The following LRRC37A2 variants were observed in gnomAD, a reference collection of about 807,000 sequenced individuals.
LRRC37A2 encodes leucine rich repeat containing 37 member A2, also known as leucine-rich repeat-containing protein 37A2.
Under a neutral mutation model 68.8 loss-of-function variants are expected in LRRC37A2, and 9 were observed. The ratio of observed to expected loss-of-function variants is 0.13; its 90% CI spans 0.08 to 0.23. LRRC37A2 has a LOEUF of 0.23. Among genes scored for constraint, LRRC37A2 ranks in the 10% least tolerant of loss-of-function variants. The probability of loss-of-function intolerance (pLI) is 1.00; values close to 1 mark genes in which losing one functional copy is unlikely to be tolerated. For missense variants in LRRC37A2, 168 were observed against 950.4 expected (o/e 0.18, Z 10.82); for synonymous variants, 63 against 367.6 (o/e 0.17, Z 9.48).
At chr17:46,911,603 C>G in the LRRC37A2 span, 1 of 152,276 alleles carries the variant, frequency 6.6e-6, no homozygotes, top group South Asian at 2.1e-4. Flanking sequence ...ATTAAGATAG[C>G]TGGGCACTGT....
the LRRC37A2 span, chr17:47,027,432 A>T: frequency 1.8e-6 from 1 of 556,538 alleles, no homozygotes; most frequent in East Asian, 3.2e-5. Flanking sequence ...TTCAAATACA[A>T]GTCCAAACGT....
the LRRC37A2 span, among the ~76,000 whole-genome samples, chr17:46,839,147 G>A: frequency 1.4e-4 from 22 of 152,178 alleles, no homozygotes; most frequent in Admixed American, 3.9e-4. Context: ...CAAAGTACTG[G>A]GATTACAGGC....
the LRRC37A2 span, among the ~76,000 whole-genome samples, chr17:46,736,169 C>G: frequency 6.6e-6 from 1 of 152,170 alleles, no homozygotes; most frequent in African/African-American, 2.4e-5. Context: ...CTTCCTACAT[C>G]CTAAGACAAA....
the LRRC37A2 span, among the ~76,000 whole-genome samples, chr17:46,504,902 TATTA>T: frequency 1.8e-4 from 22 of 123,866 alleles, 1 homozygote; most frequent in Middle Eastern, 3.8e-3. Context: ...TACATTGATT[TATTA>T]ATTAATAAAT....
the LRRC37A2 span, among the ~76,000 whole-genome samples, chr17:46,784,296 T>G: frequency 2.0e-5 from 3 of 152,152 alleles, no homozygotes; most frequent in African/African-American, 7.2e-5. Context: ...GCAAAGCAGC[T>G]TTGGGAACAA....
chr17:46,737,562 G>GGT, the LRRC37A2 span, among the ~76,000 whole-genome samples: 1 of 124,722 alleles, frequency 8.0e-6, no homozygotes, highest in Non-Finnish European at 1.8e-5. Context: ...GTTCACCTAG[G>GGT]GTGTGTGTGC....
chr17:46,502,697 A>G, the LRRC37A2 span, among the ~76,000 whole-genome samples: 1 of 151,328 alleles, frequency 6.6e-6, no homozygotes, highest in African/African-American at 2.5e-5. Context: ...AAAATCAAGG[A>G]AAGGCCTAAG....
At chr17:46,979,596 G>A in the LRRC37A2 span, among the ~76,000 whole-genome samples, 5 of 152,228 alleles carry the variant, frequency 3.3e-5, no homozygotes, top group East Asian at 9.7e-4. Flanking sequence ...AGCCTTGCTA[G>A]ACATCAGATG....
the LRRC37A2 span, among the ~76,000 whole-genome samples, chr17:46,803,774 G>C: frequency 6.6e-6 from 1 of 152,234 alleles, no homozygotes; most frequent in African/African-American, 2.4e-5. Flanking sequence ...CTTGGCCACA[G>C]GCAGTGTGGC....
At chr17:46,981,087 T>G in the LRRC37A2 span, among the ~76,000 whole-genome samples, 1 of 152,202 alleles carries the variant, frequency 6.6e-6, no homozygotes, top group Admixed American at 6.5e-5. Context: ...GAAAGCACTT[T>G]GTTATTGCAA....
the LRRC37A2 span, among the ~76,000 whole-genome samples, chr17:46,682,601 T>TG: frequency 1.7e-4 from 1 of 5,912 alleles, no homozygotes; most frequent in African/African-American, 2.0e-3. Context: ...TACGATGTTG[T>TG]GGGGGGCTTT....
At chr17:46,739,472 G>A in the LRRC37A2 span, among the ~76,000 whole-genome samples, 2 of 150,196 alleles carry the variant, frequency 1.3e-5, no homozygotes, top group Non-Finnish European at 3.0e-5. Flanking sequence ...CCAGGAGGTC[G>A]AGGCTGCAGT....
chr17:46,862,168 AAAAAAAAAAAAG>A, the LRRC37A2 span, among the ~76,000 whole-genome samples: 2 of 151,738 alleles, frequency 1.3e-5, no homozygotes, highest in Admixed American at 1.3e-4. Flanking sequence ...CGTCTCAAAA[AAAAAAAAAAAAG>A]AAAAAGAAAA....
the LRRC37A2 span, among the ~76,000 whole-genome samples, chr17:46,750,876 C>T: frequency 6.6e-6 from 1 of 151,116 alleles, no homozygotes; most frequent in Non-Finnish European, 1.5e-5. Flanking sequence ...GTAAAAGGAA[C>T]TTTATTAACA....
At chr17:46,941,372 T>C in the LRRC37A2 span, 1 of 983,084 alleles carries the variant, frequency 1.0e-6, no homozygotes, top group South Asian at 4.7e-5. Flanking sequence ...AAATCACATT[T>C]TGTAAAAGAA....
At chr17:46,739,491 A>G in the LRRC37A2 span, among the ~76,000 whole-genome samples, 2 of 150,934 alleles carry the variant, frequency 1.3e-5, no homozygotes, top group Non-Finnish European at 2.9e-5. Flanking sequence ...GTGAGTGGAG[A>G]TCATGCAACT....
At chr17:46,805,949 G>A in the LRRC37A2 span, among the ~76,000 whole-genome samples, 3 of 152,174 alleles carry the variant, frequency 2.0e-5, no homozygotes, top group Admixed American at 6.5e-5. Context: ...TGGAGCCTTC[G>A]GCAATGGAAT....
chr17:46,942,165 T>C, the LRRC37A2 span: 1 of 159,546 alleles, frequency 6.3e-6, no homozygotes. Context: ...TAAGAAATGT[T>C]TGGGGAACCC....
chr17:46,797,041 A>C, the LRRC37A2 span, among the ~76,000 whole-genome samples: 3 of 152,208 alleles, frequency 2.0e-5, no homozygotes, highest in African/African-American at 7.2e-5. Context: ...CCAAGGTTAA[A>C]TATTTTTGGA....
Sources: gnomAD v4.1 joint callset for allele counts (sites outside exome capture counted in the v4.1 genomes callset) on GRCh38, gnomAD v4.1.1 for gene constraint, MANE v1.5 for transcripts, NCBI Gene and HGNC (gene_info 2026-07-23, HGNC 2026-07-21) for gene names.